VCAN: variants seen among roughly 807,000 people sequenced by gnomAD.
VCAN encodes the protein versican core protein.
VCAN carries 44 observed loss-of-function variants against 245.5 expected under a neutral mutation model. That is an observed-to-expected ratio of 0.18 (90% confidence interval 0.14 to 0.23). The LOEUF is 0.23. Ranked by LOEUF, VCAN falls within the 10% of genes least tolerant of loss-of-function variation. VCAN has a pLI of 1.00. For missense variants in VCAN, 3,793 were observed against 4,057.9 expected, an observed-to-expected ratio of 0.93 and a Z score of 1.77; for synonymous variants, 1,413 against 1,437.0, an observed-to-expected ratio of 0.98 and a Z score of 0.38.
chr5:83,531,684 C>T (rs920127186), intron 7 of VCAN, among the ~76,000 whole-genome samples: 26 of 152,214 alleles, frequency 1.7e-4, no homozygotes, highest in South Asian at 6.2e-4. Flanking sequence ...CCAAAGAGAA[C>T]GTGAACTTTA....
chr5:83,525,652 G>A (rs1232948807), intron 7 of VCAN, among the ~76,000 whole-genome samples: 2 of 152,038 alleles, frequency 1.3e-5, no homozygotes, highest in Non-Finnish European at 2.9e-5. Flanking sequence ...GCTTGATGCT[G>A]TCTTGTTAGG....
At chr5:83,550,009 C>G (rs890142367) in intron 10 of VCAN, among the ~76,000 whole-genome samples, 14 of 152,136 alleles carry the variant, frequency 9.2e-5, no homozygotes, top group Non-Finnish European at 1.5e-4. Flanking sequence ...CACAGTTACT[C>G]CGAAATAGGG....
In VCAN at chr5:83,490,197, A is replaced by C; in HGVS notation, c.170A>C (p.Asn57Thr). Residue 57 changes from asparagine to threonine, a missense_variant, in exon 3 of 15, where the codon AAC becomes ACC. Transcript: ENST00000265077. Reference sequence around the variant, plus strand: ...ATGCCTACTTTGCCACCCAGTTACAACACCAGTGAATTTCTCCGCATCAAA... The same window carrying C: ...ATGCCTACTTTGCCACCCAGTTACACCACCAGTGAATTTCTCCGCATCAAA... ...STMPTLPPSY[N>T]TSEFLRIKWS... 2 of 1,614,140 alleles carry C rather than the reference A, an allele frequency of 1.2e-6. No homozygotes were observed. Among genetic ancestry groups the C allele is most frequent in the Non-Finnish European group, 1.7e-6 (2 of 1,180,038 alleles).
At chr5:83,526,684 A>G (rs546195954) in intron 7 of VCAN, among the ~76,000 whole-genome samples, 139 of 152,246 alleles carry the variant, frequency 9.1e-4, no homozygotes, top group Admixed American at 2.2e-3. Context: ...TTACAATGAT[A>G]CACATTTAAC....
At position 83,521,728 on chromosome 5, in the gene VCAN, A is replaced by G; in HGVS notation, c.3422A>G (p.Glu1141Gly). 6.2e-7 allele frequency: 1 copy of G among 1,614,140 alleles called. No individual in the cohort carries two copies. Among genetic ancestry groups the G allele is most frequent in the Non-Finnish European group, 8.5e-7 (1 of 1,180,016 alleles). Residue 1141 changes from glutamate (E) to glycine (G), a missense_variant, in exon 7 of 15, where the codon GAA becomes GGA. This residue lies in a region of VCAN where 3,182 missense variants were observed against 3,250.3 expected (regional missense o/e 0.98). Transcript: ENST00000265077. ...SLSPGPEQKY[E>G]TEGSSTTGFT... ...AGTCCAGGGCCTGAACAAAAATATG[A>G]AACAGAAGGTAGTAGTACAACAGGA...
intron 10 of VCAN, among the ~76,000 whole-genome samples, chr5:83,549,340 T>C (rs1206970082): frequency 6.6e-6 from 1 of 152,216 alleles, no homozygotes; most frequent in African/African-American, 2.4e-5. Context: ...AATTTAGTTC[T>C]TTACAGACTA....
At chr5:83,502,734 T>G (rs1238006256) in intron 5 of VCAN, among the ~76,000 whole-genome samples, 2 of 152,086 alleles carry the variant, frequency 1.3e-5, no homozygotes, top group South Asian at 2.1e-4. Context: ...TAACTGACTA[T>G]CATAGTAGAC....
chr5:83,523,441 A>T (rs1381517281), intron 7 of VCAN, among the ~76,000 whole-genome samples: 8 of 147,484 alleles, frequency 5.4e-5, no homozygotes, highest in Non-Finnish European at 1.2e-4. Flanking sequence ...GTTCTCTCTT[A>T]CTGTTGGAAT....
At chr5:83,564,704 C>A (rs1748008607) in intron 12 of VCAN, among the ~76,000 whole-genome samples, 1 of 148,342 alleles carries the variant, frequency 6.7e-6, no homozygotes. Flanking sequence ...TCACTGTGAA[C>A]TAAATTAGCA....
chr5:83,539,560 A>T lies in VCAN; in HGVS notation c.6557A>T (p.Asp2186Val), dbSNP rs748942078. 22 of 1,614,090 alleles carry T rather than the reference A, an allele frequency of 1.4e-5. No individual in the cohort carries two copies. Among genetic ancestry groups the T allele is most frequent in the Non-Finnish European group, 1.9e-5 (22 of 1,179,988 alleles). Residue 2186 changes from aspartate to valine, a missense_variant, in exon 8 of 15, where the codon GAT (aspartate) becomes GTT (valine). Physicochemically the swap from Asp to Val is radical, Grantham distance 152. Around this residue, in one of 5 missense-constraint regions of VCAN, gnomAD observed 3,182 missense variants for 3,250.3 expected, o/e 0.98. Coordinates refer to ENST00000265077, the MANE Select transcript of VCAN (RefSeq NM_004385.5). ...GTTAACATGTCTACTCCAGATCCAGATGCAAATGGCTTGGAATCTTACACA... is the reference window on the plus strand; with the variant it reads ...GTTAACATGTCTACTCCAGATCCAGTTGCAAATGGCTTGGAATCTTACACA... ...SLVNMSTPDP[D>V]ANGLESYTTL...
chr5:83,521,301 G>C lies in VCAN; in HGVS notation c.2995G>C (p.Glu999Gln), dbSNP rs768550648. 6.2e-7 allele frequency: 1 copy of C among 1,614,052 alleles called. No individual in the cohort carries two copies. The highest frequency in any genetic ancestry group is 8.5e-7 in the Non-Finnish European group (1 of 1,179,930). Residue 999 changes from glutamate to glutamine, a missense_variant, in exon 7 of 15, where the codon GAA becomes CAA. Physicochemically the swap from Glu to Gln is conservative, Grantham distance 29. This residue lies in a region of VCAN where 3,182 missense variants were observed against 3,250.3 expected (regional missense o/e 0.98). Coordinates refer to ENST00000265077, the MANE Select transcript of VCAN (RefSeq NM_004385.5). ...SVPSEDEVLG[E>Q]PSQDILVIDQ... ...TCCATCAGAAGATGAAGTTCTAGGT[G>C]AACCCTCTCAAGACATACTTGTCAT...
At chr5:83,565,440 A>C (rs1748044502) in intron 12 of VCAN, among the ~76,000 whole-genome samples, 1 of 151,294 alleles carries the variant, frequency 6.6e-6, no homozygotes, top group Admixed American at 6.6e-5. Flanking sequence ...TGTGAGAGAG[A>C]GACAGAGTCT....
intron 6 of VCAN, among the ~76,000 whole-genome samples, chr5:83,518,436 C>G (rs746426598): frequency 6.6e-6 from 1 of 152,156 alleles, no homozygotes; most frequent in Non-Finnish European, 1.5e-5. Flanking sequence ...TGAGCCTGTT[C>G]TTTCTGATGC....
chr5:83,566,126 T>G (rs1273013431), intron 12 of VCAN, among the ~76,000 whole-genome samples: 2 of 151,976 alleles, frequency 1.3e-5, no homozygotes, highest in East Asian at 3.9e-4. Context: ...CTGGCCAATT[T>G]TTTTTATTTT....
At chr5:83,552,448 T>C (rs1238526075) in intron 10 of VCAN, among the ~76,000 whole-genome samples, 1 of 152,178 alleles carries the variant, frequency 6.6e-6, no homozygotes, top group Non-Finnish European at 1.5e-5. Flanking sequence ...CAACCCCACC[T>C]GTGGATGAGC....
chr5:83,534,200 G>C (rs1375252460), intron 7 of VCAN: 1 of 151,776 alleles, frequency 6.6e-6, no homozygotes, highest in African/African-American at 2.4e-5. Context: ...AGAAGATCAT[G>C]AGATATGTTT....
chr5:83,568,133 AT>A (rs922135168), intron 12 of VCAN, among the ~76,000 whole-genome samples: 15 of 145,676 alleles, frequency 1.0e-4, no homozygotes, highest in East Asian at 1.0e-3. Flanking sequence ...GCTAAAGTTA[AT>A]TTTTTTTTTA....
chr5:83,543,421 G>A (rs1208535048), intron 8 of VCAN, among the ~76,000 whole-genome samples: 3 of 152,124 alleles, frequency 2.0e-5, no homozygotes, highest in South Asian at 2.1e-4. Flanking sequence ...CATGACTATC[G>A]TTAAAATTAT....
chr5:83,482,702 T>G (rs1453348877), intron 1 of VCAN, among the ~76,000 whole-genome samples: 1 of 152,192 alleles, frequency 6.6e-6, no homozygotes, highest in African/African-American at 2.4e-5. Flanking sequence ...AAATTTGAGC[T>G]GGAAGGGAAC....
Sources: gnomAD v4.1 joint callset for allele counts (sites outside exome capture counted in the v4.1 genomes callset) on GRCh38, gnomAD v4.1.1 for gene constraint, gnomAD v4.1.1 regional missense constraint, MANE v1.5 for transcripts, NCBI Gene and HGNC (gene_info 2026-07-23, HGNC 2026-07-21) for gene names.